RBM27: variants seen among roughly 807,000 people sequenced by gnomAD.
RBM27 encodes RNA-binding protein 27.
In RBM27, 22 loss-of-function variants were observed where a neutral mutation model predicts 135.3. That is an observed-to-expected ratio of 0.16 (90% CI 0.12 to 0.23). The LOEUF is 0.23. RBM27 is among the 10% of genes least tolerant of loss of function. The probability of loss-of-function intolerance (pLI) is 1.00; values close to 1 mark genes in which losing one functional copy is unlikely to be tolerated. For synonymous variants in RBM27, 481 were observed against 442.4 expected (o/e 1.09, Z -1.10); for missense variants, 1,009 against 1,281.0 (o/e 0.79, Z 3.24).
intron 14 of RBM27, among the ~76,000 whole-genome samples, chr5:146,265,615 G>C (rs1016462060): frequency 6.6e-6 from 1 of 152,204 alleles, no homozygotes; most frequent in African/African-American, 2.4e-5. Flanking sequence ...TGAAACACAT[G>C]AACTAGCATA....
At chr5:146,268,165 T>A (rs1314904703) in intron 15 of RBM27, among the ~76,000 whole-genome samples, 1 of 152,140 alleles carries the variant, frequency 6.6e-6, no homozygotes, top group African/African-American at 2.4e-5. Context: ...TATCTCAGTA[T>A]AATTAGAGAT....
chr5:146,281,122 C>T (rs183160067), intron 19 of RBM27, among the ~76,000 whole-genome samples: 2 of 152,240 alleles, frequency 1.3e-5, no homozygotes, highest in East Asian at 1.9e-4. Flanking sequence ...GGATGACAGG[C>T]GTGAGCCCCT....
chr5:146,231,324 C>T (rs996746020), intron 6 of RBM27, among the ~76,000 whole-genome samples: 8 of 152,146 alleles, frequency 5.3e-5, no homozygotes, highest in Admixed American at 3.9e-4. Context: ...TGGCTGGTCT[C>T]GAACTCCTGA....
chr5:146,261,892 C>T, intron 13 of RBM27, 86 bp downstream of exon 13: 2 of 1,338,022 alleles, frequency 1.5e-6, no homozygotes, highest in South Asian at 1.3e-5. Flanking sequence ...GGGTCTTCTA[C>T]AGAAGAGCTA....
At chr5:146,255,657 C>CT (rs1665531042) in intron 10 of RBM27, among the ~76,000 whole-genome samples, 1 of 152,064 alleles carries the variant, frequency 6.6e-6, no homozygotes, top group South Asian at 2.1e-4. Context: ...AACCTCCTAC[C>CT]TACTCCCCCA....
chr5:146,246,202 T>C (rs1265452832), intron 8 of RBM27, among the ~76,000 whole-genome samples: 1 of 152,164 alleles, frequency 6.6e-6, no homozygotes, highest in African/African-American at 2.4e-5. Context: ...GCTTTTTATT[T>C]TTTCTGGATT....
chr5:146,215,054 T>G (rs1463462875), intron 1 of RBM27, among the ~76,000 whole-genome samples: 1 of 152,190 alleles, frequency 6.6e-6, no homozygotes, highest in South Asian at 2.1e-4. Context: ...TCTGGGTTTC[T>G]TTTCTTTTTT....
intron 14 of RBM27, among the ~76,000 whole-genome samples, chr5:146,264,038 G>T (rs1271888577): frequency 6.6e-6 from 1 of 151,684 alleles, no homozygotes; most frequent in Non-Finnish European, 1.5e-5. Flanking sequence ...ACCCGAAGGA[G>T]GAGGTTGCAG....
chr5:146,239,465 TC>T (rs992928275), intron 8 of RBM27, among the ~76,000 whole-genome samples: 2 of 120,792 alleles, frequency 1.7e-5, no homozygotes, highest in Non-Finnish European at 3.5e-5. Context: ...TTTTTTTTTT[TC>T]CTTTTCTTTT....
Position 146,251,874 on chromosome 5 carries a change from A to T in RBM27, c.1443A>T (p.Pro481=). Residue 481 remains proline, a splice_region_variant and synonymous_variant, in exon 9 of 21, where the codon CCA becomes CCT. Transcript: ENST00000265271. ...TSVSSPTPLV[P]DTYEPDGYNP... Reference sequence around the variant, plus strand: ...TCTCCAGCCCTACCCCTCTGGTTCCAGGTAAGCTTTGCTACAGATGGCCAT... The same window carrying T: ...TCTCCAGCCCTACCCCTCTGGTTCCTGGTAAGCTTTGCTACAGATGGCCAT... 6.2e-7 allele frequency: 1 copy of T among 1,613,736 alleles called. No homozygotes were observed. Among genetic ancestry groups the T allele is most frequent in the South Asian group, 1.1e-5 (1 of 91,072 alleles).
chr5:146,279,003 C>G (rs775197957), intron 19 of RBM27, among the ~76,000 whole-genome samples: 1 of 151,920 alleles, frequency 6.6e-6, no homozygotes, highest in African/African-American at 2.4e-5. Context: ...TTACAGGCAT[C>G]AGCCCCTGCG....
intron 2 of RBM27, among the ~76,000 whole-genome samples, chr5:146,219,912 G>A (rs1756373707): frequency 6.6e-6 from 1 of 150,702 alleles, no homozygotes; most frequent in African/African-American, 2.4e-5. Flanking sequence ...TTTTATTTTT[G>A]TAGTGTTGGG....
intron 1 of RBM27, among the ~76,000 whole-genome samples, chr5:146,206,893 A>G (rs1755705494): frequency 6.6e-6 from 1 of 152,074 alleles, no homozygotes; most frequent in South Asian, 2.1e-4. Context: ...TAGAATACTT[A>G]TTTTTAACTC....
Position 146,241,604 on chromosome 5 carries a change from G to A in RBM27, c.1279+4172G>A, listed in dbSNP as rs982500241. 2.6e-5 allele frequency among the ~76,000 whole-genome samples: 4 copies of A among 152,174 alleles called. No individual in the cohort carries two copies. In the South Asian group the frequency reaches 6.2e-4, roughly 24 times the overall value. On this transcript the variant is annotated intron_variant, in intron 8 of 20. Coordinates refer to ENST00000265271, the MANE Select transcript of RBM27 (RefSeq NM_018989.2). ...GCCTCAAGTAGCTGGGACTACAGTC[G>A]TGGGCCCCAAGGCCCACCTAATTTT...
At chr5:146,251,687 G>A (rs1167478710) in intron 8 of RBM27, 24 bp from the exon 9 acceptor site, 1 of 1,571,764 alleles carries the variant, frequency 6.4e-7, no homozygotes, top group Admixed American at 1.7e-5. Flanking sequence ...ATTCCCAGCT[G>A]CCCTCCTATT....
At chr5:146,251,661 G>T (rs779013998) in intron 8 of RBM27, 50 bp from the exon 9 acceptor site, 67 of 1,512,234 alleles carry the variant, frequency 4.4e-5, no homozygotes, top group Non-Finnish European at 5.9e-5. Flanking sequence ...TCACCTAAGA[G>T]AAGCTTGTGA....
At chr5:146,270,684 T>C (rs1424142716) in intron 17 of RBM27, among the ~76,000 whole-genome samples, 1 of 152,234 alleles carries the variant, frequency 6.6e-6, no homozygotes, top group East Asian at 1.9e-4. Flanking sequence ...ATGTGACAGT[T>C]ATTCTCAGCT....
intron 1 of RBM27, among the ~76,000 whole-genome samples, chr5:146,217,085 G>A (rs529704017): frequency 2.0e-5 from 3 of 152,110 alleles, no homozygotes; most frequent in South Asian, 4.1e-4. Flanking sequence ...TCCTGCCTCA[G>A]CCTCTGGAGT....
chr5:146,274,558 C>T (rs937751684), intron 19 of RBM27, among the ~76,000 whole-genome samples: 3 of 152,132 alleles, frequency 2.0e-5, no homozygotes, highest in Non-Finnish European at 2.9e-5. Flanking sequence ...CATGAGCCAC[C>T]GTGCCCGGCC....
Sources: allele counts gnomAD v4.1 joint callset (sites outside exome capture counted in the v4.1 genomes callset), GRCh38; gene constraint gnomAD v4.1.1; transcripts MANE v1.5; gene names NCBI Gene and HGNC (gene_info 2026-07-23, HGNC 2026-07-21).